The following NBPF9 variants were observed in gnomAD, a reference collection of about 807,000 sequenced individuals.
NBPF9 encodes the protein NBPF member 9.
Under a neutral mutation model 97.8 loss-of-function variants are expected in NBPF9, and 91 were observed. The observed-to-expected ratio is 0.93, with a 90% CI of 0.79 to 1.11. NBPF9 has a LOEUF of 1.11. Among genes scored for constraint, NBPF9 ranks in the 50% least tolerant of loss-of-function variants. The probability of loss-of-function intolerance (pLI) is 0.00; values close to 1 mark genes in which losing one functional copy is unlikely to be tolerated. For missense variants in NBPF9, 992 were observed against 939.5 expected (o/e 1.06, Z -0.73); for synonymous variants, 334 against 359.5 (o/e 0.93, Z 0.80).
intron 5 of NBPF9, among the ~76,000 whole-genome samples, chr1:149,089,506 G>A (rs1553659562): frequency 6.6e-6 from 1 of 152,292 alleles, no homozygotes; most frequent in African/African-American, 2.4e-5. Flanking sequence ...ACACAGGGGA[G>A]CCAGGGATGC....
intron 4 of NBPF9, among the ~76,000 whole-genome samples, chr1:149,094,226 T>A (rs1261885334): frequency 1.2e-4 from 18 of 145,622 alleles, no homozygotes; most frequent in African/African-American, 4.6e-4. Flanking sequence ...TAGCAGATTT[T>A]AAAAAATTCC....
intron 12 of NBPF9, among the ~76,000 whole-genome samples, chr1:149,074,369 A>G (rs1179240682): frequency 6.6e-6 from 1 of 151,600 alleles, no homozygotes; most frequent in East Asian, 1.9e-4. Context: ...GATTTTAAGA[A>G]TCATATCTGA....
At chr1:149,081,591 G>A (rs1304267867) in intron 7 of NBPF9, among the ~76,000 whole-genome samples, 1 of 151,912 alleles carries the variant, frequency 6.6e-6, no homozygotes, top group African/African-American at 2.4e-5. Context: ...CTGAATAAAA[G>A]TTCACTAGTC....
rs2078593197 is a variant in NBPF9 at position 149,061,479 on chromosome 1, C to T, written c.2252-96G>A. 8.6e-6 allele frequency: 4 copies of T among 464,528 alleles called. 1 individual carries two copies. The highest frequency in any genetic ancestry group is 6.0e-5 in the Admixed American group (2 of 33,434). 28.8% of individuals were successfully genotyped at this position (464,528 alleles called of 1,614,324 possible). A position where few individuals can be genotyped will look rare whatever the true frequency, so the allele number is the denominator to read the frequency against. On this transcript the variant is annotated intron_variant, in intron 22 of 29. Coordinates refer to ENST00000584027, the Ensembl canonical transcript of NBPF9. ...ATCCCCACACAGGGATCTCAGGCTCCTCAGCATGAGCACAGGACAATGTGA... is the reference window on the plus strand; with the variant it reads ...ATCCCCACACAGGGATCTCAGGCTCTTCAGCATGAGCACAGGACAATGTGA...
At chr1:149,089,662 C>G (rs1553659632) in intron 5 of NBPF9, among the ~76,000 whole-genome samples, 1 of 152,312 alleles carries the variant, frequency 6.6e-6, no homozygotes, top group Non-Finnish European at 1.5e-5. Context: ...ATCCCCAAGT[C>G]TGTGCTCATA....
rs1212340876 is a variant in NBPF9, at chr1:149,072,407, A to G, written c.1306+311T>C. Among the ~76,000 whole-genome samples the G allele has an allele frequency of 2.0e-5, 3 of 152,134 alleles. No individual in the cohort carries two copies. The East Asian group carries it at 5.8e-4, about 29-fold the overall frequency. On this transcript the variant is annotated intron_variant, in intron 14 of 29. Coordinates refer to ENST00000584027, the Ensembl canonical transcript of NBPF9. ...GCCTGGGAACCTTCATTCTTAGTCC[A>G]GAGCTCTTTTCACTCTAACAAGCCT...
At position 149,087,374 on chromosome 1, in the gene NBPF9, CAT is replaced by C. The variant is rs1242012286; in HGVS notation, c.-195+3377_-195+3378del. 4.9e-3 allele frequency among the ~76,000 whole-genome samples: 725 copies of C among 147,604 alleles called. 5 individuals are homozygous for C. Among genetic ancestry groups the C allele is most frequent in the Non-Finnish European group, 7.2e-3 (484 of 67,174 alleles). ...ACGTTTGTGTGTGTATGTGTGTATA[CAT>C]ATATATATGTCCTAAGAATCAATTA... On this transcript the variant is annotated intron_variant, in intron 5 of 29. Coordinates refer to ENST00000584027, the Ensembl canonical transcript of NBPF9.
chr1:149,103,092 G>A (rs1212700790), intron 1 of NBPF9, among the ~76,000 whole-genome samples: 3 of 152,010 alleles, frequency 2.0e-5, no homozygotes, highest in Non-Finnish European at 2.9e-5. Context: ...GCGCCCAAGA[G>A]ATGAGGGCTG....
intron 5 of NBPF9, among the ~76,000 whole-genome samples, chr1:149,089,183 G>A (rs370096716): frequency 1.2e-4 from 18 of 151,036 alleles, no homozygotes; most frequent in East Asian, 4.0e-4. Flanking sequence ...AGCCTGCAGA[G>A]GAGAGGTGCC....
In NBPF9 at chr1:149,079,178, G is replaced by A. The variant is rs782039809; in HGVS notation, c.322C>T (p.Gln108Ter). The stretch of plus-strand genomic sequence containing the variant: ...CCTTCCCGTAACTTCTCCTTTAACT[G>A]CGTCAGCTCTCGTTCCTGAGAGTGA... Residue 108 changes from glutamine (Q) to a stop codon, truncating the protein, a stop_gained, in exon 9 of 30, where the codon CAG (glutamine) becomes TAG (stop). Coordinates refer to ENST00000584027, the Ensembl canonical transcript of NBPF9. LOFTEE classifies it high-confidence loss of function. The A allele has an allele frequency of 3.3e-6, 4 of 1,227,126 alleles. No individual in the cohort carries two copies. Among genetic ancestry groups the A allele is most frequent in the Admixed American group, 3.4e-5 (2 of 59,038 alleles). The allele number at this position is 1,227,126 out of a possible 1,614,324, so 76.0% of individuals were successfully genotyped here. A position where few individuals can be genotyped will look rare whatever the true frequency, so the allele number is the denominator to read the frequency against.
chr1:149,072,319 C>G (rs670269), intron 14 of NBPF9, among the ~76,000 whole-genome samples: 35 of 152,024 alleles, frequency 2.3e-4, no homozygotes, highest in Non-Finnish European at 2.9e-4. Flanking sequence ...CGGAGAGAGA[C>G]AAACTCAGGA....
chr1:149,098,568 A>T (rs1416571867), exon 4 of NBPF9: 124 of 1,451,850 alleles, frequency 8.5e-5, no homozygotes, highest in South Asian at 4.1e-4. Context: ...AATTGGTGGC[A>T]CCCCCAGCAT....
chr1:149,055,638 C>A (rs368054346), exon 30 of NBPF9: 1 of 1,611,558 alleles, frequency 6.2e-7, no homozygotes, highest in Non-Finnish European at 8.5e-7. Flanking sequence ...TGACATCTCT[C>A]GGCTTAGTAA....
At chr1:149,088,458 G>A (rs1392622746) in intron 5 of NBPF9, among the ~76,000 whole-genome samples, 1 of 152,130 alleles carries the variant, frequency 6.6e-6, no homozygotes, top group Non-Finnish European at 1.5e-5. Flanking sequence ...GTAACAACAG[G>A]TATTCTACTT....
chr1:149,070,952 C>G, exon 16 of NBPF9: 2 of 1,612,686 alleles, frequency 1.2e-6, no homozygotes, highest in Non-Finnish European at 1.7e-6. Flanking sequence ...ATGTGTACAG[C>G]ATCTTCCCGT....
exon 30 of NBPF9, chr1:149,055,510 G>C: frequency 2.6e-6 from 4 of 1,533,024 alleles, no homozygotes; most frequent in Non-Finnish European, 3.5e-6. Flanking sequence ...GTTGCCACTG[G>C]CATGGTTTGA....
At chr1:149,099,315 A>G (rs1399802027) in intron 3 of NBPF9, among the ~76,000 whole-genome samples, 1 of 152,212 alleles carries the variant, frequency 6.6e-6, no homozygotes, top group Non-Finnish European at 1.5e-5. Context: ...AGCAACACAT[A>G]CAAAGGTTTA....
At chr1:149,059,965 A>G (rs1575823000) in intron 24 of NBPF9, 157 bp from the exon 25 acceptor site, 1 of 418,966 alleles carries the variant, frequency 2.4e-6, no homozygotes, top group East Asian at 2.8e-5. Flanking sequence ...GCTGGTTATG[A>G]TAGAAATTCC....
chr1:149,084,798 G>C (rs2080855626), intron 5 of NBPF9, among the ~76,000 whole-genome samples: 1 of 148,826 alleles, frequency 6.7e-6, no homozygotes, highest in Admixed American at 6.7e-5. Flanking sequence ...CACTGGGGGG[G>C]CCAGAAATAT....
Sources: gnomAD v4.1 joint callset for allele counts (sites outside exome capture counted in the v4.1 genomes callset) on GRCh38, gnomAD v4.1.1 for gene constraint, MANE v1.5 for transcripts, NCBI Gene and HGNC (gene_info 2026-07-23, HGNC 2026-07-21) for gene names.